Variants in KDM4C observed in about 807,000 individuals in gnomAD.
KDM4C encodes the protein lysine demethylase 4C.
KDM4C carries 81 observed loss-of-function variants against 129.3 expected under a neutral mutation model. That is an observed-to-expected ratio of 0.63 (90% confidence interval 0.52 to 0.75). KDM4C has a LOEUF of 0.75. Among genes scored for constraint, KDM4C ranks in the 30% least tolerant of loss-of-function variants. The pLI is 0.00. For synonymous variants in KDM4C, 573 were observed against 456.1 expected, an observed-to-expected ratio of 1.26 and a Z score of -3.26; for missense variants, 1,457 against 1,304.0, an observed-to-expected ratio of 1.12 and a Z score of -1.81.
At chr9:7,157,027 G>A (rs552289430) in intron 19 of KDM4C, among the ~76,000 whole-genome samples, 1 of 151,970 alleles carries the variant, frequency 6.6e-6, no homozygotes, top group Non-Finnish European at 1.5e-5. Context: ...CTTTTATTTT[G>A]TTGAGCAGTG....
chr9:6,995,705 A>T (rs903696677), intron 12 of KDM4C, among the ~76,000 whole-genome samples: 25 of 151,852 alleles, frequency 1.6e-4, no homozygotes, highest in Admixed American at 1.0e-3. Context: ...GGCGTCTCGC[A>T]CTGTCGCCCA....
chr9:6,847,079 T>A (rs1837970428), intron 4 of KDM4C, among the ~76,000 whole-genome samples: 1 of 152,208 alleles, frequency 6.6e-6, no homozygotes, highest in Non-Finnish European at 1.5e-5. Flanking sequence ...ACCCTGGTTA[T>A]TTTTAAAAGA....
intron 17 of KDM4C, among the ~76,000 whole-genome samples, chr9:7,060,328 C>G (rs1831448578): frequency 1.3e-5 from 2 of 151,522 alleles, no homozygotes; most frequent in African/African-American, 4.8e-5. Context: ...TGATTTCTAA[C>G]TGCTTCCTAT....
In KDM4C at chr9:6,742,935, C is replaced by T. The variant is rs1317109021; in HGVS notation, c.49+21938C>T. 7.9e-5 allele frequency among the ~76,000 whole-genome samples: 12 copies of T among 152,086 alleles called. No individual in the cohort carries two copies. In the South Asian group the frequency reaches 1.2e-3, roughly 16 times the overall value. ...CTGAGGCAGGAAAATCGCTTGAACC[C>T]GGGAGGTGGAAGTTGCAGTGAGCCA... On this transcript the variant is annotated intron_variant, in intron 1 of 17. Transcript: ENST00000536108.
chr9:7,125,251 T>C (rs1839916077), intron 18 of KDM4C, among the ~76,000 whole-genome samples: 1 of 152,166 alleles, frequency 6.6e-6, no homozygotes, highest in Non-Finnish European at 1.5e-5. Context: ...GTCATGCCTG[T>C]CACTCTGTCT....
intron 1 of KDM4C, among the ~76,000 whole-genome samples, chr9:6,774,285 C>A (rs1487874675): frequency 1.3e-5 from 2 of 152,306 alleles, no homozygotes; most frequent in East Asian, 3.9e-4. Context: ...GCAGGTTTGT[C>A]TTCCTTTAGG....
intron 3 of KDM4C, among the ~76,000 whole-genome samples, chr9:6,813,444 C>T (rs1035344503): frequency 2.6e-5 from 4 of 152,158 alleles, no homozygotes; most frequent in African/African-American, 4.8e-5. Flanking sequence ...ATTTTGAATA[C>T]AGTTGTTCCA....
chr9:6,953,448 A>G (rs566737771), intron 8 of KDM4C, among the ~76,000 whole-genome samples: 9 of 152,390 alleles, frequency 5.9e-5, no homozygotes, highest in African/African-American at 2.2e-4. Flanking sequence ...TTGCAATGCA[A>G]TAATCTGATC....
At chr9:7,160,994 A>G (rs895376552) in intron 19 of KDM4C, among the ~76,000 whole-genome samples, 2 of 152,074 alleles carry the variant, frequency 1.3e-5, no homozygotes, top group Admixed American at 6.5e-5. Context: ...ACCCAGTTCA[A>G]GCTTCCCAGC....
At chr9:6,882,095 G>A (rs1844539747) in intron 6 of KDM4C, among the ~76,000 whole-genome samples, 1 of 152,174 alleles carries the variant, frequency 6.6e-6, no homozygotes, top group Admixed American at 6.5e-5. Flanking sequence ...CATTAGGCCT[G>A]CATCTAATAA....
At chr9:6,792,350 A>T (rs554341391) in intron 1 of KDM4C, among the ~76,000 whole-genome samples, 1,673 of 151,714 alleles carry the variant, frequency 0.011, 115 homozygotes, top group African/African-American at 0.037. Context: ...CAAAAAAAAA[A>T]TTTTTATTTA....
intron 5 of KDM4C, among the ~76,000 whole-genome samples, chr9:6,864,920 T>C (rs576081472): frequency 6.6e-6 from 1 of 151,966 alleles, no homozygotes; most frequent in South Asian, 2.1e-4. Flanking sequence ...CTCTGATTAA[T>C]TTTTTAGTTC....
intron 4 of KDM4C, among the ~76,000 whole-genome samples, chr9:6,826,555 A>G (rs1049205778): frequency 6.6e-6 from 1 of 152,186 alleles, no homozygotes; most frequent in Non-Finnish European, 1.5e-5. Context: ...GATGTTCTTC[A>G]ACAAGATGAT....
intron 4 of KDM4C, among the ~76,000 whole-genome samples, chr9:6,828,992 C>G (rs1055474093): frequency 2.0e-5 from 3 of 152,152 alleles, no homozygotes; most frequent in Non-Finnish European, 4.4e-5. Flanking sequence ...TGTTTAATAA[C>G]CTGGTAAATT....
chr9:6,887,801 A>T (rs940296164), intron 6 of KDM4C, among the ~76,000 whole-genome samples, 159 bp from the exon 7 acceptor site: 4 of 152,186 alleles, frequency 2.6e-5, no homozygotes, highest in Non-Finnish European at 5.9e-5. Context: ...AAGAATTCTA[A>T]CTCTGACTCT....
intron 1 of KDM4C, among the ~76,000 whole-genome samples, chr9:6,769,085 A>C (rs1443562217): frequency 2.0e-5 from 3 of 152,006 alleles, no homozygotes; most frequent in African/African-American, 4.8e-5. Flanking sequence ...GAGTTTGTTC[A>C]TTTTAAAAAA....
intron 15 of KDM4C, among the ~76,000 whole-genome samples, chr9:7,028,829 C>T (rs903607597): frequency 5.9e-5 from 9 of 152,176 alleles, no homozygotes; most frequent in African/African-American, 1.9e-4. Flanking sequence ...GGTTTGCTTT[C>T]TCTTGTAACT....
chr9:6,921,426 G>T (rs755594303), intron 8 of KDM4C, among the ~76,000 whole-genome samples: 17 of 152,156 alleles, frequency 1.1e-4, no homozygotes, highest in Non-Finnish European at 1.9e-4. Flanking sequence ...TGTTTCTCCA[G>T]TTGCTCAGGC....
intron 18 of KDM4C, among the ~76,000 whole-genome samples, chr9:7,115,425 T>G (rs1838789703): frequency 6.6e-6 from 1 of 151,890 alleles, no homozygotes; most frequent in Non-Finnish European, 1.5e-5. Context: ...GGTATTAGAG[T>G]CAAGCATCAT....
Sources: gnomAD v4.1 joint callset for allele counts (sites outside exome capture counted in the v4.1 genomes callset) on GRCh38, gnomAD v4.1.1 for gene constraint, MANE v1.5 for transcripts, NCBI Gene and HGNC (gene_info 2026-07-23, HGNC 2026-07-21) for gene names.